The following ZNF347 variants were observed in gnomAD, a reference collection of about 807,000 sequenced individuals.
ZNF347 encodes CTD-2620I22.7.
In ZNF347, 19 loss-of-function variants were observed where a neutral mutation model predicts 12.9. That is an observed-to-expected ratio of 1.47 (90% CI 1.03 to 2.16). ZNF347 has a LOEUF of 2.16. Ranked by LOEUF, ZNF347 falls within the 30% of genes most tolerant of loss-of-function variation. The pLI, the probability that ZNF347 is intolerant of heterozygous loss-of-function variation, is 0.00. For missense variants in ZNF347, 1,005 were observed against 990.6 expected (o/e 1.01, Z -0.19); for synonymous variants, 328 against 340.6 (o/e 0.96, Z 0.41).
rs192814104 is a variant in ZNF347, at chr19:53,155,976, C to T, written c.-46-2183G>A. Among the ~76,000 whole-genome samples the T allele has an allele frequency of 1.3e-3, 189 of 143,282 alleles. 2 individuals carry two copies. Among genetic ancestry groups the T allele is most frequent in the Admixed American group, 0.013 (166 of 13,080 alleles). The allele number at this position is 143,282 out of a possible 152,430, so 94.0% of individuals were successfully genotyped here. A position where few individuals can be genotyped will look rare whatever the true frequency, so the allele number is the denominator to read the frequency against. ...TCACACTAAACACAGAATACTTCAC[C>T]TCTAGTCACCAAAATGTGTGTGTGG... On this transcript the variant is annotated intron_variant, in intron 1 of 4. Transcript: ENST00000334197.
Position 53,135,780 on chromosome 19 carries a change from T to C in ZNF347, c.*4528A>G, listed in dbSNP as rs1470364420. 2 of 152,230 alleles carry C rather than the reference T, an allele frequency of 1.3e-5. No individual in the cohort carries two copies. The highest frequency in any genetic ancestry group is 4.8e-5 in the African/African-American group (2 of 41,460). 9.4% of individuals were successfully genotyped at this position (152,230 alleles called of 1,614,324 possible). ...TGATTCAGTTGTTACACATAAAGCA[T>C]TAATAACTGTGATTCTTACTCTAAA... On this transcript the variant is annotated 3_prime_UTR_variant, in exon 5 of 5. Transcript: ENST00000334197.
At chr19:53,145,059 G>C (rs2090453899) in intron 4 of ZNF347, among the ~76,000 whole-genome samples, 1 of 152,042 alleles carries the variant, frequency 6.6e-6, no homozygotes, top group Non-Finnish European at 1.5e-5. Flanking sequence ...GGAGGCCAAA[G>C]TTGGGCAGAT....
chr19:53,146,464 G>A (rs1288822403), intron 4 of ZNF347, among the ~76,000 whole-genome samples: 5 of 151,962 alleles, frequency 3.3e-5, no homozygotes, highest in East Asian at 1.9e-4. Flanking sequence ...TTTTAGAGAT[G>A]GGGTCTCTTT....
rs986246742 is a variant in ZNF347 at position 53,140,464 on chromosome 19, G to A, written c.2364C>T (p.Thr788=). 1.9e-5 allele frequency: 31 copies of A among 1,613,326 alleles called. No individual in the cohort carries two copies. The highest frequency in any genetic ancestry group is 1.3e-4 in the East Asian group (6 of 44,862). The change falls in exon 5 of 5, where the codon ACC becomes ACT. Residue 788 remains threonine, a synonymous_variant. Transcript: ENST00000334197. ...SKLARHQRIH[T]GEKPYECGKP... is the part of the protein sequence containing the mutation. ...TCCCACACTCATATGGTTTCTCTCC[G>A]GTATGAATTCTCTGATGCCTTGCAA...
At chr19:53,157,327 A>C (rs1211784991) in intron 1 of ZNF347, among the ~76,000 whole-genome samples, 1 of 151,940 alleles carries the variant, frequency 6.6e-6, no homozygotes, top group East Asian at 1.9e-4. Context: ...TCAACGCACC[A>C]CTCACCTGGA....
chr19:53,148,917 C>A, intron 3 of ZNF347, 108 bp from the exon 4 acceptor site: 1 of 1,416,928 alleles, frequency 7.1e-7, no homozygotes, highest in Non-Finnish European at 9.5e-7. Flanking sequence ...AAAAACACTT[C>A]AAAAATTCAT....
At position 53,139,699 on chromosome 19, in the gene ZNF347, C is replaced by A. The variant is rs773285259; in HGVS notation, c.*609G>T. On this transcript the variant is annotated 3_prime_UTR_variant, in exon 5 of 5. Coordinates refer to ENST00000334197, the MANE Select transcript of ZNF347 (RefSeq NM_032584.3). The stretch of plus-strand genomic sequence containing the variant: ...ATGAATCCTCACCTACAGTTACAGT[C>A]TTAGAGTAAGAGCTTCAGGATGCTC... The A allele has an allele frequency of 5.3e-5, 8 of 152,288 alleles. No homozygotes were observed. The highest frequency in any genetic ancestry group is 1.3e-4 in the Admixed American group (2 of 15,284). The allele number at this position is 152,288 out of a possible 1,614,324, so 9.4% of individuals were successfully genotyped here.
At position 53,135,135 on chromosome 19, in the gene ZNF347, G is replaced by A. The variant is rs754012744; in HGVS notation, c.*5173C>T. Reference sequence around the variant, plus strand: ...ACCAGACAACATGGATTCAAATCTCGATTCTGCCTCTTACTGAAATGTGAC... The same window carrying A: ...ACCAGACAACATGGATTCAAATCTCAATTCTGCCTCTTACTGAAATGTGAC... On this transcript the variant is annotated 3_prime_UTR_variant, in exon 5 of 5. Transcript: ENST00000334197. The A allele has an allele frequency of 1.3e-5, 2 of 151,826 alleles. No individual in the cohort carries two copies. The highest frequency in any genetic ancestry group is 2.9e-5 in the Non-Finnish European group (2 of 67,972). The allele number at this position is 151,826 out of a possible 1,614,324, so 9.4% of individuals were successfully genotyped here. A position where few individuals can be genotyped will look rare whatever the true frequency, so the allele number is the denominator to read the frequency against.
At chr19:53,158,314 G>C (rs964173553) in intron 1 of ZNF347, among the ~76,000 whole-genome samples, 52 of 152,282 alleles carry the variant, frequency 3.4e-4, no homozygotes, top group African/African-American at 1.2e-3. Flanking sequence ...TCTGCAGGAT[G>C]CCAGGACCAG....
At chr19:53,149,114 T>C in intron 3 of ZNF347, 127 bp downstream of exon 3, 1 of 1,533,626 alleles carries the variant, frequency 6.5e-7, no homozygotes, top group Non-Finnish European at 8.7e-7. Context: ...ATTATGGAGA[T>C]TTTCATTTTT....
Position 53,137,897 on chromosome 19 carries a change from C to T in ZNF347, c.*2411G>A, listed in dbSNP as rs559634580. 2.0e-5 allele frequency: 3 copies of T among 151,798 alleles called. No individual in the cohort carries two copies. In the East Asian group the frequency reaches 5.9e-4, roughly 30 times the overall value. The allele number at this position is 151,798 out of a possible 1,614,324, so 9.4% of individuals were successfully genotyped here. On this transcript the variant is annotated 3_prime_UTR_variant, in exon 5 of 5. Transcript: ENST00000334197. ...CACTGCAACCTCCACCTCCTGGGTT[C>T]AAGTGATTCTCCTGCCTCAGCCTCC... is the stretch of plus-strand genomic sequence containing the variant.
rs199847269 is a variant in ZNF347 at position 53,141,293 on chromosome 19, G to A, written c.1535C>T (p.Pro512Leu). The change falls in exon 5 of 5, where the codon CCT (proline) becomes CTT (leucine). Residue 512 changes from proline to leucine, a missense_variant. Pro to Leu is a moderately conservative substitution (Grantham distance 98). Coordinates refer to ENST00000334197, the MANE Select transcript of ZNF347 (RefSeq NM_032584.3). ...THQVIHTGEK[P>L]YKCNECGKVF... ...CTTGCCACATTCATTACATTTGTAA[G>A]GCTTTTCTCCAGTATGGATGACCTG... The A allele has an allele frequency of 5.6e-6, 9 of 1,613,746 alleles. No individual in the cohort carries two copies. Among genetic ancestry groups the A allele is most frequent in the Non-Finnish European group, 7.6e-6 (9 of 1,179,990 alleles).
rs2090402324 is a variant in ZNF347 at position 53,138,962 on chromosome 19, C to T, written c.*1346G>A. 1 of 152,168 alleles carries T rather than the reference C, an allele frequency of 6.6e-6. No individual in the cohort carries two copies. The highest frequency in any genetic ancestry group is 2.4e-5 in the African/African-American group (1 of 41,522). The allele number at this position is 152,168 out of a possible 1,614,324, so 9.4% of individuals were successfully genotyped here. On this transcript the variant is annotated 3_prime_UTR_variant, in exon 5 of 5. Coordinates refer to ENST00000334197, the MANE Select transcript of ZNF347 (RefSeq NM_032584.3). ...TGGTATTCTGGTTTTTCTGACCAAG[C>T]TCTCCACTCTAATAACTGTTACCTC...
At position 53,142,462 on chromosome 19, in the gene ZNF347, T is replaced by C; in HGVS notation, c.366A>G (p.Glu122=). Residue 122 remains glutamate (E), a synonymous_variant, in exon 5 of 5, where the codon GAA becomes GAG. Transcript: ENST00000334197. ...AGGAACATCCTTCAATGTCTTGGCT[T>C]TCCTGTCTTTCCAACATCACTGTTT... ...VFQTVMLERQ[E]SQDIEGCSFR... The C allele has an allele frequency of 6.2e-7, 1 of 1,614,084 alleles. No homozygotes were observed. Among genetic ancestry groups the C allele is most frequent in the Non-Finnish European group, 8.5e-7 (1 of 1,179,976 alleles).
intron 1 of ZNF347, among the ~76,000 whole-genome samples, chr19:53,156,097 A>G (rs939417915): frequency 2.1e-5 from 3 of 140,396 alleles, no homozygotes; most frequent in African/African-American, 5.5e-5. Context: ...CAACTCTGAT[A>G]TTATCTACAA....
Position 53,139,321 on chromosome 19 carries a change from G to A in ZNF347, c.*987C>T, listed in dbSNP as rs562662494. On this transcript the variant is annotated 3_prime_UTR_variant, in exon 5 of 5. Transcript: ENST00000334197. ...ATTGAGAGAATATTTAATTTTACAA[G>A]GCAGAGTCCTCCTTCTTCAATAAAC... 4 of 152,270 alleles carry A rather than the reference G, an allele frequency of 2.6e-5. No individual in the cohort carries two copies. The South Asian group carries it at 8.3e-4, about 32-fold the overall frequency. 9.4% of individuals were successfully genotyped at this position (152,270 alleles called of 1,614,324 possible). A position where few individuals can be genotyped will look rare whatever the true frequency, so the allele number is the denominator to read the frequency against.
At chr19:53,143,696 A>G (rs533296801) in intron 4 of ZNF347, among the ~76,000 whole-genome samples, 9 of 152,074 alleles carry the variant, frequency 5.9e-5, no homozygotes, top group East Asian at 1.9e-4. Context: ...ATACGTGTGC[A>G]TGTGTCTTTA....
Position 53,144,060 on chromosome 19 carries a change from T to C in ZNF347, c.272-1504A>G, listed in dbSNP as rs186302625. On this transcript the variant is annotated intron_variant, in intron 4 of 4. Transcript: ENST00000334197. ...TTTTCTAATTGTTTTCTAACTTCTCTCTTGCTTTCTTTCTTACTGTCTTCC... is the reference window on the plus strand; with the variant it reads ...TTTTCTAATTGTTTTCTAACTTCTCCCTTGCTTTCTTTCTTACTGTCTTCC... 2.5e-3 allele frequency among the ~76,000 whole-genome samples: 375 copies of C among 149,014 alleles called. 5 individuals are homozygous for C. The highest frequency in any genetic ancestry group is 2.7e-3 in the Non-Finnish European group (183 of 67,550).
chr19:53,158,345 G>T (rs374681450), intron 1 of ZNF347, among the ~76,000 whole-genome samples: 53 of 152,324 alleles, frequency 3.5e-4, no homozygotes, highest in African/African-American at 1.3e-3. Flanking sequence ...CGGCCTCGCC[G>T]GTACCGGGGC....
Sources: allele counts gnomAD v4.1 joint callset (sites outside exome capture counted in the v4.1 genomes callset), GRCh38; gene constraint gnomAD v4.1.1; transcripts MANE v1.5; gene names NCBI Gene and HGNC (gene_info 2026-07-23, HGNC 2026-07-21).